The following HLF variants were observed in gnomAD, a reference collection of about 807,000 sequenced individuals.
The protein encoded by HLF is hepatic leukemia factor.
HLF carries 3 observed loss-of-function variants against 22.6 expected under a neutral mutation model. The ratio of observed to expected loss-of-function variants is 0.13; its 90% confidence interval spans 0.06 to 0.34. The LOEUF (loss-of-function observed/expected upper bound fraction) is 0.34. Ranked by LOEUF, HLF falls within the 10% of genes least tolerant of loss-of-function variation. The pLI is 1.00. For synonymous variants in HLF, 151 were observed against 151.8 expected (o/e 0.99, Z 0.04); for missense variants, 299 against 389.2 (o/e 0.77, Z 1.95).
At chr17:55,306,323 C>G (rs929493258) in intron 2 of HLF, among the ~76,000 whole-genome samples, 1 of 152,180 alleles carries the variant, frequency 6.6e-6, no homozygotes, top group African/African-American at 2.4e-5. Context: ...GCAACAGACT[C>G]TTTTCCTAAT....
At chr17:55,298,396 G>A (rs918143206) in intron 2 of HLF, among the ~76,000 whole-genome samples, 1 of 152,130 alleles carries the variant, frequency 6.6e-6, no homozygotes, top group African/African-American at 2.4e-5. Context: ...ATCTTTTGAT[G>A]ATGACTTCAT....
chr17:55,267,517 G>A, intron 1 of HLF: 1 of 473,192 alleles, frequency 2.1e-6, no homozygotes. Context: ...CTGTAGCCCT[G>A]CCCCAAGGAC....
Position 55,275,539 on chromosome 17 carries a change from A to G in HLF, c.451+7453A>G, listed in dbSNP as rs542487509. Among the ~76,000 whole-genome samples the G allele has an allele frequency of 3.9e-5, 6 of 152,372 alleles. No individual in the cohort carries two copies. The East Asian group carries it at 9.6e-4, about 24-fold the overall frequency. ...GACCTTGGGGGTAAGGAAACCATAAAGGTATGTTATGGTGTTTCAGAAGGA... is the reference window on the plus strand; with the variant it reads ...GACCTTGGGGGTAAGGAAACCATAAGGGTATGTTATGGTGTTTCAGAAGGA... On this transcript the variant is annotated intron_variant, in intron 2 of 3. Transcript: ENST00000226067.
intron 2 of HLF, among the ~76,000 whole-genome samples, chr17:55,314,754 C>A (rs546764410): frequency 6.3e-4 from 96 of 152,296 alleles, no homozygotes; most frequent in Admixed American, 2.4e-3. Flanking sequence ...GCTCCCTAAC[C>A]TCCTTTGTGT....
At chr17:55,296,225 C>T (rs1567819534) in intron 2 of HLF, among the ~76,000 whole-genome samples, 1 of 152,186 alleles carries the variant, frequency 6.6e-6, no homozygotes, top group South Asian at 2.1e-4. Context: ...TCCACAGGGG[C>T]TGTTTCCTCT....
chr17:55,272,928 G>A (rs1598387982), intron 2 of HLF: 1 of 152,444 alleles, frequency 6.6e-6, no homozygotes, highest in African/African-American at 2.4e-5. Flanking sequence ...TCATTCATCA[G>A]GGGCTAGGAG....
rs576414542 is a variant in HLF, at chr17:55,281,996, CAG to C, written c.451+13911_451+13912del. Among the ~76,000 whole-genome samples the C allele has an allele frequency of 1.4e-3, 208 of 152,304 alleles. 5 individuals are homozygous for C. Among genetic ancestry groups the C allele is most frequent in the Admixed American group, 9.9e-3 (151 of 15,304 alleles). ...CACCAAGCTAAATTGAATTTGGAAT[CAG>C]GGGTCTACTGAAAAGCCAGGAAACT... On this transcript the variant is annotated intron_variant, in intron 2 of 3. Coordinates refer to ENST00000226067, the MANE Select transcript of HLF (RefSeq NM_002126.5).
chr17:55,281,843 C>G (rs570907760), intron 2 of HLF, among the ~76,000 whole-genome samples: 57 of 152,282 alleles, frequency 3.7e-4, no homozygotes, highest in African/African-American at 1.3e-3. Context: ...TTGGGCATAT[C>G]TCAGTGGCCA....
Position 55,267,852 on chromosome 17 carries a change from A to AC in HLF, c.220dup (p.Leu74ProfsTer4). On this transcript the variant is annotated frameshift_variant, in exon 2 of 4. Transcript: ENST00000226067. LOFTEE classifies it high-confidence loss of function. ...CCTGGGGCCTACCTTATGGGACAAA[A>AC]CCCTTCCCTATGACGGAGATACTTT... The AC allele has an allele frequency of 6.2e-7, 1 of 1,614,028 alleles. No homozygotes were observed. The highest frequency in any genetic ancestry group is 1.7e-5 in the Admixed American group (1 of 60,004).
chr17:55,311,413 A>G (rs897155756), intron 2 of HLF, among the ~76,000 whole-genome samples: 86 of 152,268 alleles, frequency 5.6e-4, no homozygotes, highest in African/African-American at 1.8e-3. Context: ...CTGAGGCAGG[A>G]GAATGGCTTG....
chr17:55,268,083 C>G lies in HLF; in HGVS notation c.448C>G (p.Pro150Ala), dbSNP rs977072851. The change falls in exon 2 of 4, where the codon CCA becomes GCA. Residue 150 changes from proline to alanine, a missense_variant. Pro to Ala is a conservative substitution (Grantham distance 27, BLOSUM62 -1). Coordinates refer to ENST00000226067, the MANE Select transcript of HLF (RefSeq NM_002126.5). ...GAACTGTATGCAGAGCCCCATCAGA[C>G]CAGGTAAGTGCCCTGAAGATTCTCC... Reference protein sequence around the residue: ...SPNCMQSPIRPGQLLPANRNT... With the variant: ...SPNCMQSPIRAGQLLPANRNT... 2 of 1,543,000 alleles carry G rather than the reference C, an allele frequency of 1.3e-6. No homozygotes were observed. The highest frequency in any genetic ancestry group is 2.8e-5 in the African/African-American group (2 of 72,644).
chr17:55,270,991 G>A (rs76481242), intron 2 of HLF, among the ~76,000 whole-genome samples: 1 of 152,032 alleles, frequency 6.6e-6, no homozygotes, highest in Admixed American at 6.6e-5. Flanking sequence ...GCAGCATCGC[G>A]GCCCCTACCT....
intron 1 of HLF, chr17:55,266,653 C>A: frequency 6.0e-6 from 1 of 166,310 alleles, no homozygotes; most frequent in Non-Finnish European, 1.2e-5. Context: ...TGCCTGCAGG[C>A]TTTTGCATCT....
In HLF at chr17:55,324,822, T is replaced by C. The variant is rs1905403476; in HGVS notation, c.*3943T>C. 2 of 232,826 alleles carry C rather than the reference T, an allele frequency of 8.6e-6. No homozygotes were observed. The highest frequency in any genetic ancestry group is 1.1e-4 in the Admixed American group (2 of 17,712). The allele number at this position is 232,826 out of a possible 1,614,324, so 14.4% of individuals were successfully genotyped here. A position where few individuals can be genotyped will look rare whatever the true frequency, so the allele number is the denominator to read the frequency against. ...GTGTGTGTGTGTGCGTGCATGTGTG[T>C]GTGTGTGTATGTGTGTGAATAAGTC... On this transcript the variant is annotated 3_prime_UTR_variant, in exon 4 of 4. Coordinates refer to ENST00000226067, the MANE Select transcript of HLF (RefSeq NM_002126.5).
chr17:55,280,379 G>A (rs544940130), intron 2 of HLF, among the ~76,000 whole-genome samples: 1 of 152,332 alleles, frequency 6.6e-6, no homozygotes, highest in South Asian at 2.1e-4. Context: ...ATGTCACAGT[G>A]TAATTGCCTG....
intron 1 of HLF, 21 bp from the exon 2 acceptor site, chr17:55,267,730 C>A: frequency 2.0e-6 from 3 of 1,480,614 alleles, no homozygotes; most frequent in Non-Finnish European, 2.7e-6. Flanking sequence ...TTTTTAAGTC[C>A]AGCTTTCCCT....
Position 55,265,144 on chromosome 17 carries a change from T to G in HLF, c.-341T>G. 4.6e-6 allele frequency: 1 copy of G among 215,940 alleles called. No individual in the cohort carries two copies. Among genetic ancestry groups the G allele is most frequent in the African/African-American group, 2.3e-5 (1 of 43,868 alleles). 13.4% of individuals were successfully genotyped at this position (215,940 alleles called of 1,614,324 possible). A position where few individuals can be genotyped will look rare whatever the true frequency, so the allele number is the denominator to read the frequency against. ...GGTGTCTTCTGCCCTTCTGCAGCCG[T>G]CGACATTTTTTTTTCTTTCTTTTTT... On this transcript the variant is annotated 5_prime_UTR_variant, in exon 1 of 4. Transcript: ENST00000226067.
intron 2 of HLF, among the ~76,000 whole-genome samples, chr17:55,276,865 A>G (rs970293481): frequency 2.6e-5 from 4 of 152,230 alleles, no homozygotes; most frequent in Non-Finnish European, 5.9e-5. Context: ...AAACTTGACA[A>G]TAGTTTCCTC....
intron 2 of HLF, among the ~76,000 whole-genome samples, chr17:55,302,231 A>C (rs1199132578): frequency 4.6e-5 from 7 of 152,222 alleles, no homozygotes; most frequent in African/African-American, 1.4e-4. Context: ...GATTGGAGGC[A>C]ATGACCAGCA....
Sources: allele counts gnomAD v4.1 joint callset (sites outside exome capture counted in the v4.1 genomes callset), GRCh38; gene constraint gnomAD v4.1.1; transcripts MANE v1.5; gene names NCBI Gene and HGNC (gene_info 2026-07-23, HGNC 2026-07-21).